The following SIN3B variants were observed in gnomAD, a reference collection of about 807,000 sequenced individuals.
The protein encoded by SIN3B is paired amphipathic helix protein Sin3b.
Under a neutral mutation model 120.2 loss-of-function variants are expected in SIN3B, and 19 were observed. The ratio of observed to expected loss-of-function variants is 0.16; its 90% CI spans 0.11 to 0.23. The LOEUF is 0.23. SIN3B is among the 10% of genes least tolerant of loss of function. The pLI is 1.00. For missense variants in SIN3B, 1,073 were observed against 1,573.0 expected (o/e 0.68, Z 5.38); for synonymous variants, 654 against 653.2 (o/e 1.00, Z -0.02).
intron 12 of SIN3B, among the ~76,000 whole-genome samples, chr19:16,869,177 C>G (rs1971821086): frequency 6.6e-6 from 1 of 152,154 alleles, no homozygotes; most frequent in Non-Finnish European, 1.5e-5. Flanking sequence ...AACCCCGCCC[C>G]ACATCTCAGA....
At chr19:16,864,204 G>C (rs557593264) in intron 10 of SIN3B, among the ~76,000 whole-genome samples, 26 of 152,218 alleles carry the variant, frequency 1.7e-4, no homozygotes, top group Non-Finnish European at 3.7e-4. Context: ...AGAAGCAGTA[G>C]AATTGCTTGA....
chr19:16,833,670 C>T (rs1971308178), intron 3 of SIN3B, among the ~76,000 whole-genome samples: 1 of 151,512 alleles, frequency 6.6e-6, no homozygotes, highest in Non-Finnish European at 1.5e-5. Context: ...TGTGCAAGAC[C>T]CTCTCTGCCA....
rs375222028 is a variant in SIN3B at position 16,869,588 on chromosome 19, G to A, written c.1935G>A (p.Pro645=). ...TCAGCTACTACGTGAAGCGGCAGCC[G>A]GCCATCCAGAAGGAGGACCAGGGCA... ...ALISYYVKRQ[P]AIQKEDQGTI... is the part of the protein sequence containing the mutation. Residue 645 remains proline, a synonymous_variant, in exon 13 of 19, where the codon CCG becomes CCA. Transcript: ENST00000248054. 7.4e-6 allele frequency: 12 copies of A among 1,613,402 alleles called. No individual in the cohort carries two copies. The highest frequency in any genetic ancestry group is 1.6e-4 in the Middle Eastern group (1 of 6,084).
chr19:16,877,754 C>T, intron 17 of SIN3B, 115 bp downstream of exon 17: 1 of 755,796 alleles, frequency 1.3e-6, no homozygotes, highest in South Asian at 1.6e-5. Flanking sequence ...TTAGTAGGTG[C>T]CTGCTGTGTG....
Position 16,851,515 on chromosome 19 carries a change from C to T in SIN3B, c.830C>T (p.Pro277Leu). 6.2e-7 allele frequency: 1 copy of T among 1,604,578 alleles called. No individual in the cohort carries two copies. The highest frequency in any genetic ancestry group is 1.3e-5 in the African/African-American group (1 of 74,732). Residue 277 changes from proline (P) to leucine (L), a missense_variant, in exon 6 of 19, where the codon CCC becomes CTC. Coordinates refer to ENST00000248054, the MANE Select transcript of SIN3B (RefSeq NM_001297595.2). ...CGCTCCCGGCCCTCGCTCCTCCGCC[C>T]CGTGTCTGCACCCGCCAAGGTACCT... Reference protein sequence around the residue: ...RKRSRPSLLRPVSAPAKKKMK... With the variant: ...RKRSRPSLLRLVSAPAKKKMK...
intron 10 of SIN3B, chr19:16,865,128 G>A (rs1469348139): frequency 3.2e-6 from 1 of 314,862 alleles, no homozygotes; most frequent in Non-Finnish European, 5.9e-6. Flanking sequence ...ACCGTGCCCG[G>A]CCATAAATTT....
At chr19:16,829,739 C>A (rs1971255172) in intron 1 of SIN3B, 52 bp from the exon 2 acceptor site, 2 of 1,503,238 alleles carry the variant, frequency 1.3e-6, no homozygotes, top group South Asian at 2.3e-5. Flanking sequence ...CCCGGCCCCT[C>A]GTCCCCTCGT....
At chr19:16,860,234 C>G (rs1235151873) in intron 8 of SIN3B, among the ~76,000 whole-genome samples, 1 of 152,214 alleles carries the variant, frequency 6.6e-6, no homozygotes, top group Admixed American at 6.5e-5. Flanking sequence ...TCCGCGTGTT[C>G]AACCTGCGGT....
intron 14 of SIN3B, among the ~76,000 whole-genome samples, chr19:16,875,774 T>G (rs982271844): frequency 2.0e-5 from 3 of 147,878 alleles, no homozygotes; most frequent in African/African-American, 7.5e-5. Context: ...TCTGGTCTGT[T>G]TGGTCTGGTC....
chr19:16,837,378 C>T (rs943247338), intron 3 of SIN3B, among the ~76,000 whole-genome samples: 2 of 151,986 alleles, frequency 1.3e-5, no homozygotes, highest in South Asian at 2.1e-4. Context: ...TGGATGGTGA[C>T]AAGGACCAGA....
rs1050346346 is a variant in SIN3B, at chr19:16,859,159, TAAGG to T, written c.1059-3189_1059-3186del. ...AGTGAGAACCTGTCTCAAAAAAAAA[TAAGG>T]AAGCTGAGGCTCAGGTCGAACCCCT... On this transcript the variant is annotated intron_variant, in intron 8 of 18. Coordinates refer to ENST00000248054, the MANE Select transcript of SIN3B (RefSeq NM_001297595.2). 3.3e-5 allele frequency among the ~76,000 whole-genome samples: 5 copies of T among 151,898 alleles called. 1 individual carries two copies. The highest frequency in any genetic ancestry group is 4.2e-4 in the South Asian group (2 of 4,800).
At chr19:16,829,626 C>T (rs1363586240) in intron 1 of SIN3B, 86 bp downstream of exon 1, 3 of 1,207,814 alleles carry the variant, frequency 2.5e-6, no homozygotes, top group African/African-American at 1.6e-5. Context: ...CGCCCGGCCC[C>T]AGCCCCACCT....
chr19:16,871,496 C>G, intron 14 of SIN3B, 98 bp downstream of exon 14: 1 of 1,119,004 alleles, frequency 8.9e-7, no homozygotes, highest in Non-Finnish European at 1.3e-6. Flanking sequence ...GTCAGCACAG[C>G]AAACCTATCC....
Position 16,860,166 on chromosome 19 carries a change from C to T in SIN3B, c.1059-2186C>T, listed in dbSNP as rs545737486. On this transcript the variant is annotated intron_variant, in intron 8 of 18. Transcript: ENST00000248054. ...GGTCCAGAATTGAAGCGGGCCTCTG[C>T]GTGTGCTTGACACGAGGCCTGGTTG... Among the ~76,000 whole-genome samples, 25 of 152,268 alleles carry T rather than the reference C, an allele frequency of 1.6e-4. 1 individual carries two copies. The highest frequency in any genetic ancestry group is 1.2e-3 in the Admixed American group (19 of 15,298).
At position 16,854,275 on chromosome 19, in the gene SIN3B, T is replaced by C. The variant is rs142641112; in HGVS notation, c.1058+14T>C. The C allele has an allele frequency of 1.9e-6, 3 of 1,569,298 alleles. No homozygotes were observed. In the Admixed American group the frequency reaches 5.1e-5, roughly 27 times the overall value. Reference sequence around the variant, plus strand: ...CCCATTTCTGGGGTGAGCAGCTGACTTCCCAGGGCTCCCTAGGGGGGTTCT... The same window carrying C: ...CCCATTTCTGGGGTGAGCAGCTGACCTCCCAGGGCTCCCTAGGGGGGTTCT... On this transcript the variant is annotated intron_variant, in intron 8 of 18. Coordinates refer to ENST00000248054, the MANE Select transcript of SIN3B (RefSeq NM_001297595.2).
chr19:16,848,636 G>C (rs983717634), intron 5 of SIN3B, among the ~76,000 whole-genome samples: 3 of 151,948 alleles, frequency 2.0e-5, no homozygotes, highest in Non-Finnish European at 4.4e-5. Context: ...TGAGTAGCTG[G>C]GACTACAGAC....
intron 3 of SIN3B, among the ~76,000 whole-genome samples, chr19:16,835,170 C>T (rs1232592188): frequency 6.6e-6 from 1 of 151,938 alleles, no homozygotes. Flanking sequence ...ACGTGATCTG[C>T]CTGCCTCGGC....
At chr19:16,852,527 G>GT (rs1971559110) in intron 6 of SIN3B, among the ~76,000 whole-genome samples, 1 of 152,222 alleles carries the variant, frequency 6.6e-6, no homozygotes, top group Non-Finnish European at 1.5e-5. Context: ...GATTACAGGC[G>GT]TGAGTCCCTG....
rs1024374038 is a variant in SIN3B, at chr19:16,879,353, G to A, written c.*626G>A. ...TTGAAGTCCAGAGCTGGAGCAGGCG[G>A]GCAGTGCCCTGGGAGACCCCGCTCT... On this transcript the variant is annotated 3_prime_UTR_variant, in exon 19 of 19. Transcript: ENST00000248054. 1 of 152,516 alleles carries A rather than the reference G, an allele frequency of 6.6e-6. No individual in the cohort carries two copies. Among genetic ancestry groups the A allele is most frequent in the Non-Finnish European group, 1.5e-5 (1 of 68,326 alleles). 9.4% of individuals were successfully genotyped at this position (152,516 alleles called of 1,614,324 possible).
Sources: allele counts gnomAD v4.1 joint callset (sites outside exome capture counted in the v4.1 genomes callset), GRCh38; gene constraint gnomAD v4.1.1; transcripts MANE v1.5; gene names NCBI Gene and HGNC (gene_info 2026-07-23, HGNC 2026-07-21).